Variants in LOC400499 observed in about 807,000 individuals in gnomAD.
At chr16:11,406,069 G>C in the LOC400499 span, among the ~76,000 whole-genome samples, 1 of 152,028 alleles carries the variant, frequency 6.6e-6, no homozygotes, top group East Asian at 1.9e-4. Context: ...TTGTTACATA[G>C]GTATATTGTG....
At chr16:11,461,112 C>T in the LOC400499 span, 5 of 1,535,070 alleles carry the variant, frequency 3.3e-6, no homozygotes, top group Non-Finnish European at 4.4e-6. Flanking sequence ...CCTTCCTCTC[C>T]AGCAGTGCTG....
chr16:11,458,650 C>T, the LOC400499 span, among the ~76,000 whole-genome samples: 1 of 152,150 alleles, frequency 6.6e-6, no homozygotes, highest in African/African-American at 2.4e-5. Flanking sequence ...TGGTTATAGA[C>T]TTGCAGTTTT....
chr16:11,376,163 C>A, the LOC400499 span, among the ~76,000 whole-genome samples: 1 of 152,206 alleles, frequency 6.6e-6, no homozygotes, highest in Non-Finnish European at 1.5e-5. Context: ...TGTAGGACGC[C>A]TTTTCACTCT....
chr16:11,516,439 C>T, the LOC400499 span: 33 of 397,676 alleles, frequency 8.3e-5, no homozygotes, highest in African/African-American at 6.0e-4. Flanking sequence ...AACCCCACAT[C>T]CCCCCACTAG....
chr16:11,479,481 G>C, the LOC400499 span, among the ~76,000 whole-genome samples: 2 of 151,188 alleles, frequency 1.3e-5, no homozygotes, highest in Non-Finnish European at 2.9e-5. Flanking sequence ...AAAAAAGCCG[G>C]GTATGGTGGC....
chr16:11,378,918 G>C, the LOC400499 span, among the ~76,000 whole-genome samples: 1 of 152,198 alleles, frequency 6.6e-6, no homozygotes, highest in Non-Finnish European at 1.5e-5. Flanking sequence ...TATTGTTCAA[G>C]TACTTTGTTT....
At chr16:11,448,818 G>C in the LOC400499 span, 1 of 1,008,614 alleles carries the variant, frequency 9.9e-7, no homozygotes, top group Non-Finnish European at 1.3e-6. Flanking sequence ...GGCCAAGCCA[G>C]TAGCACAAAG....
the LOC400499 span, chr16:11,440,942 G>C: frequency 5.0e-6 from 2 of 398,980 alleles, no homozygotes; most frequent in Admixed American, 8.8e-5. Context: ...CCCATACCTG[G>C]TAGGAATGGG....
the LOC400499 span, chr16:11,447,009 C>T: frequency 7.3e-7 from 1 of 1,371,788 alleles, no homozygotes; most frequent in Middle Eastern, 2.6e-4. Flanking sequence ...CTGTCACGAG[C>T]TTGCAGAGTT....
the LOC400499 span, among the ~76,000 whole-genome samples, chr16:11,447,227 C>A: frequency 2.0e-5 from 3 of 152,184 alleles, no homozygotes; most frequent in African/African-American, 7.2e-5. Context: ...CAGGCACGGT[C>A]TTTCACTAGC....
At chr16:11,520,628 T>C in the LOC400499 span, among the ~76,000 whole-genome samples, 1 of 142,640 alleles carries the variant, frequency 7.0e-6, no homozygotes, top group South Asian at 2.1e-4. Context: ...GATTGTGCTA[T>C]TGCACGCCAG....
At chr16:11,415,775 C>T in the LOC400499 span, among the ~76,000 whole-genome samples, 1 of 152,040 alleles carries the variant, frequency 6.6e-6, no homozygotes, top group Non-Finnish European at 1.5e-5. Context: ...CATCCTGGGT[C>T]GGGAACTAGA....
chr16:11,521,340 G>C, the LOC400499 span, among the ~76,000 whole-genome samples: 12 of 152,136 alleles, frequency 7.9e-5, no homozygotes, highest in African/African-American at 1.2e-4. Flanking sequence ...ATGAGACAGA[G>C]GCAAATGAGC....
At chr16:11,425,271 T>C in the LOC400499 span, 3 of 399,068 alleles carry the variant, frequency 7.5e-6, no homozygotes, top group South Asian at 3.8e-4. Context: ...CGTCTGGGCC[T>C]GCAGCCGGCC....
chr16:11,441,128 G>C, the LOC400499 span: 3 of 398,798 alleles, frequency 7.5e-6, no homozygotes, highest in East Asian at 1.1e-4. Context: ...CCATCTCTAT[G>C]TGCCTGCAGA....
chr16:11,477,146 A>T, the LOC400499 span, among the ~76,000 whole-genome samples: 1 of 152,236 alleles, frequency 6.6e-6, no homozygotes, highest in Non-Finnish European at 1.5e-5. Flanking sequence ...GGGGAAACTG[A>T]GGCTCAGAGA....
chr16:11,396,275 G>C, the LOC400499 span: 1 of 371,708 alleles, frequency 2.7e-6, no homozygotes. Flanking sequence ...GCCGGGTGTT[G>C]GGACTGTGGA....
At chr16:11,506,463 C>T in the LOC400499 span, among the ~76,000 whole-genome samples, 4 of 152,178 alleles carry the variant, frequency 2.6e-5, no homozygotes, top group African/African-American at 9.7e-5. Context: ...GTAAACCGTC[C>T]TTAATAAACA....
At chr16:11,450,631 G>A in the LOC400499 span, 2 of 1,536,036 alleles carry the variant, frequency 1.3e-6, no homozygotes, top group Admixed American at 2.0e-5. Context: ...GGTAGCTGCG[G>A]TGTAAACCTG....
Sources: gnomAD v4.1 joint callset for allele counts (sites outside exome capture counted in the v4.1 genomes callset) on GRCh38, gnomAD v4.1.1 for gene constraint, MANE v1.5 for transcripts.